Variants in MARK3 observed in about 807,000 individuals in gnomAD.
MARK3 encodes microtubule affinity regulating kinase 3.
In MARK3, 46 loss-of-function variants were observed where a neutral mutation model predicts 90.1. The ratio of observed to expected loss-of-function variants is 0.51; its 90% CI spans 0.40 to 0.65. The LOEUF is 0.65. Ranked by LOEUF, MARK3 falls within the 30% of genes least tolerant of loss-of-function variation. The pLI, the probability that MARK3 is intolerant of heterozygous loss-of-function variation, is 0.00. For missense variants in MARK3, 818 were observed against 947.2 expected, an observed-to-expected ratio of 0.86 and a Z score of 1.79; for synonymous variants, 321 against 332.6, an observed-to-expected ratio of 0.97 and a Z score of 0.38.
chr14:103,431,492 G>C (rs962667927), intron 3 of MARK3, among the ~76,000 whole-genome samples: 1 of 152,182 alleles, frequency 6.6e-6, no homozygotes, highest in South Asian at 2.1e-4. Context: ...TTAGCTGGGC[G>C]TGGTGGCACA....
At chr14:103,448,174 A>T (rs2093042339) in intron 3 of MARK3, among the ~76,000 whole-genome samples, 1 of 152,132 alleles carries the variant, frequency 6.6e-6, no homozygotes, top group Admixed American at 6.6e-5. Context: ...TGTCTCTTTA[A>T]ATAACTACCC....
chr14:103,386,497 G>C (rs1361959888), intron 1 of MARK3: 2 of 447,636 alleles, frequency 4.5e-6, no homozygotes, highest in South Asian at 1.7e-5. Flanking sequence ...TATGTTACCG[G>C]TGCTGATTAA....
At chr14:103,445,282 TAGATA>T (rs1184201161) in intron 3 of MARK3, among the ~76,000 whole-genome samples, 1 of 152,182 alleles carries the variant, frequency 6.6e-6, no homozygotes, top group Non-Finnish European at 1.5e-5. Flanking sequence ...AAATTAAGCT[TAGATA>T]AGACTGTGAA....
At chr14:103,440,858 C>G (rs2092832660) in intron 3 of MARK3, among the ~76,000 whole-genome samples, 1 of 149,308 alleles carries the variant, frequency 6.7e-6, no homozygotes, top group Non-Finnish European at 1.5e-5. Context: ...ATTGATTAAG[C>G]CCAGGAGTTT....
At chr14:103,500,793 G>T (rs761775422) in intron 17 of MARK3, among the ~76,000 whole-genome samples, 1 of 151,920 alleles carries the variant, frequency 6.6e-6, no homozygotes, top group Non-Finnish European at 1.5e-5. Flanking sequence ...GCTAATTTTT[G>T]TATTTTCTGT....
intron 13 of MARK3, among the ~76,000 whole-genome samples, chr14:103,477,020 T>C (rs746393642): frequency 6.6e-6 from 1 of 152,186 alleles, no homozygotes; most frequent in Non-Finnish European, 1.5e-5. Flanking sequence ...GCTGCCCTTC[T>C]GAAAGTGAAT....
chr14:103,490,267 A>T (rs1057500009), intron 14 of MARK3: 2 of 152,292 alleles, frequency 1.3e-5, no homozygotes, highest in African/African-American at 2.4e-5. Context: ...TTGAGCCATG[A>T]TCGTACCACT....
At chr14:103,481,867 C>T (rs1037028930) in intron 14 of MARK3, among the ~76,000 whole-genome samples, 45 of 145,828 alleles carry the variant, frequency 3.1e-4, no homozygotes, top group African/African-American at 1.0e-3. Context: ...CCCGGGTTCA[C>T]GCCATTCTCC....
intron 4 of MARK3, among the ~76,000 whole-genome samples, chr14:103,450,338 G>A (rs559205685): frequency 9.2e-5 from 14 of 151,988 alleles, no homozygotes; most frequent in East Asian, 3.9e-4. Context: ...TTTCACACCC[G>A]TCCTCCCGCC....
At chr14:103,425,249 A>ATTATTTAT (rs71460674) in intron 2 of MARK3, among the ~76,000 whole-genome samples, 14,854 of 146,628 alleles carry the variant, frequency 0.1, 955 homozygotes, top group Middle Eastern at 0.2. Context: ...CTATTTATTT[A>ATTATTTAT]TTATTTATTT....
rs191644048 is a variant in MARK3, at chr14:103,452,262, G to A, written c.412+279G>A. Among the ~76,000 whole-genome samples, 183 of 151,886 alleles carry A rather than the reference G, an allele frequency of 1.2e-3. 2 individuals are homozygous for A. Among genetic ancestry groups the A allele is most frequent in the East Asian group, 3.9e-4 (2 of 5,164 alleles). ...ATTATCGTTAAAATCATTTTTAGGC[G>A]CACAGTTCAGTGACATTAGCATGTT... is the stretch of plus-strand genomic sequence containing the variant. On this transcript the variant is annotated intron_variant, in intron 5 of 17. Transcript: ENST00000429436.
chr14:103,442,490 G>A (rs2092883832), intron 3 of MARK3, among the ~76,000 whole-genome samples: 1 of 151,568 alleles, frequency 6.6e-6, no homozygotes, highest in Non-Finnish European at 1.5e-5. Context: ...AATGTGTGAT[G>A]ACTATGAGGT....
At chr14:103,408,582 T>C (rs910489466) in intron 2 of MARK3, among the ~76,000 whole-genome samples, 2 of 152,164 alleles carry the variant, frequency 1.3e-5, no homozygotes, top group Admixed American at 6.6e-5. Context: ...GTGACACATA[T>C]GGCGTAGCAT....
chr14:103,419,413 C>A lies in MARK3; in HGVS notation c.244-8974C>A, dbSNP rs190048461. On this transcript the variant is annotated intron_variant, in intron 2 of 17. Coordinates refer to ENST00000429436, the MANE Select transcript of MARK3 (RefSeq NM_001128918.3). ...AGGAAACTTAAAATATATATTAATTCATCAAAAATAATAATCCTGTTACAT... is the reference window on the plus strand; with the variant it reads ...AGGAAACTTAAAATATATATTAATTAATCAAAAATAATAATCCTGTTACAT... 1.1e-4 allele frequency among the ~76,000 whole-genome samples: 17 copies of A among 152,236 alleles called. No individual in the cohort carries two copies. In the East Asian group the frequency reaches 3.1e-3, roughly 28 times the overall value.
rs1371483536 is a variant in MARK3 at position 103,389,556 on chromosome 14, A to G, written c.51+3476A>G. ...AAAAAAAAAAAAAAAAAAGCAGACA[A>G]CTTGCAACATTATCTTCATCCTTGT... On this transcript the variant is annotated intron_variant, in intron 1 of 17. Transcript: ENST00000429436. Among the ~76,000 whole-genome samples the G allele has an allele frequency of 2.2e-5, 3 of 134,936 alleles. No homozygotes were observed. The East Asian group carries it at 6.7e-4, about 30-fold the overall frequency. The allele number at this position is 134,936 out of a possible 152,430, so 88.5% of individuals were successfully genotyped here.
intron 17 of MARK3, among the ~76,000 whole-genome samples, chr14:103,500,412 C>A (rs1407507091): frequency 6.6e-6 from 1 of 152,216 alleles, no homozygotes; most frequent in Non-Finnish European, 1.5e-5. Context: ...GTGTTCAAAG[C>A]ACGGCGAGGC....
At chr14:103,460,301 G>A (rs1595783300) in intron 6 of MARK3, among the ~76,000 whole-genome samples, 1 of 151,692 alleles carries the variant, frequency 6.6e-6, no homozygotes, top group East Asian at 2.0e-4. Flanking sequence ...TAGTCAGGAT[G>A]GTCTCGATCT....
At chr14:103,416,247 G>A (rs1233427982) in intron 2 of MARK3, among the ~76,000 whole-genome samples, 1 of 152,192 alleles carries the variant, frequency 6.6e-6, no homozygotes, top group East Asian at 1.9e-4. Context: ...ATAAATTAGA[G>A]ACAGCAAGGT....
In MARK3 at chr14:103,480,301, A is replaced by G; in HGVS notation, c.1483-86A>G. The G allele has an allele frequency of 3.7e-6, 3 of 801,966 alleles. No individual in the cohort carries two copies. In the South Asian group the frequency reaches 4.9e-5, roughly 13 times the overall value. 49.7% of individuals were successfully genotyped at this position (801,966 alleles called of 1,614,324 possible). On this transcript the variant is annotated intron_variant, in intron 13 of 17. Coordinates refer to ENST00000429436, the MANE Select transcript of MARK3 (RefSeq NM_001128918.3). ...AAAAACAAGTAAATAAAAGACTGAC[A>G]TTCCTATTTATGTAGATAAGTTCAT...
Sources: allele counts gnomAD v4.1 joint callset (sites outside exome capture counted in the v4.1 genomes callset), GRCh38; gene constraint gnomAD v4.1.1; transcripts MANE v1.5; gene names NCBI Gene and HGNC (gene_info 2026-07-23, HGNC 2026-07-21).